LRP1B: variants seen among roughly 807,000 people sequenced by gnomAD.
The protein encoded by LRP1B is low-density lipoprotein receptor-related protein 1B.
LRP1B carries 217 observed loss-of-function variants against 556.6 expected under a neutral mutation model. The observed-to-expected ratio is 0.39, with a 90% CI of 0.35 to 0.44. LRP1B has a LOEUF of 0.44. Ranked by LOEUF, LRP1B falls within the 20% of genes least tolerant of loss-of-function variation. The probability of loss-of-function intolerance (pLI) is 1.00; values close to 1 mark genes in which losing one functional copy is unlikely to be tolerated. For missense variants in LRP1B, 5,053 were observed against 5,620.8 expected (o/e 0.90, Z 3.23); for synonymous variants, 2,047 against 1,865.8 (o/e 1.10, Z -2.50).
intron 27 of LRP1B, among the ~76,000 whole-genome samples, chr2:140,858,510 G>GAGAGAGAA (rs2105135664): frequency 6.7e-6 from 1 of 149,444 alleles, no homozygotes; most frequent in South Asian, 2.1e-4. Context: ...TGGAGAGAGA[G>GAGAGAGAA]AGAGAGAGAG....
At chr2:140,582,762 T>G (rs1681824379) in intron 43 of LRP1B, among the ~76,000 whole-genome samples, 1 of 152,180 alleles carries the variant, frequency 6.6e-6, no homozygotes, top group South Asian at 2.1e-4. Context: ...TTTCTATTAT[T>G]TATAAATTAC....
chr2:141,636,710 G>A (rs962004946), intron 2 of LRP1B, among the ~76,000 whole-genome samples: 6 of 151,708 alleles, frequency 4.0e-5, no homozygotes, highest in African/African-American at 9.7e-5. Context: ...GTGGCTAAAT[G>A]TATGGTTTCT....
chr2:140,957,602 C>G (rs1345693588), intron 18 of LRP1B, among the ~76,000 whole-genome samples: 2 of 151,458 alleles, frequency 1.3e-5, no homozygotes, highest in Non-Finnish European at 3.0e-5. Flanking sequence ...TAAATGTATA[C>G]AAAGAATATA....
chr2:141,560,105 G>A (rs1035457501), intron 2 of LRP1B, among the ~76,000 whole-genome samples: 2 of 151,452 alleles, frequency 1.3e-5, no homozygotes, highest in Non-Finnish European at 3.0e-5. Context: ...CATGCAAAAA[G>A]AAAAGAAAAT....
In LRP1B at chr2:142,123,428, G is replaced by A. The variant is rs138697878; in HGVS notation, c.82+7220C>T. Among the ~76,000 whole-genome samples, 17 of 152,114 alleles carry A rather than the reference G, an allele frequency of 1.1e-4. No individual in the cohort carries two copies. In the East Asian group the frequency reaches 3.3e-3, roughly 29 times the overall value. On this transcript the variant is annotated intron_variant, in intron 1 of 90. Transcript: ENST00000389484. ...TATTGATTGCAAGAATAAAACAAGA[G>A]ACGATAGGTGGTACCTTGATCTTAC...
At chr2:141,483,894 T>G (rs879786839) in intron 2 of LRP1B, among the ~76,000 whole-genome samples, 389 of 150,686 alleles carry the variant, frequency 2.6e-3, no homozygotes, top group Non-Finnish European at 4.3e-3. Flanking sequence ...TTGCAAAAAT[T>G]TTCTCCCATT....
At chr2:140,694,561 T>C (rs1049403805) in intron 41 of LRP1B, among the ~76,000 whole-genome samples, 1 of 152,174 alleles carries the variant, frequency 6.6e-6, no homozygotes. Context: ...TCTTAACGCT[T>C]ACAGCAAATT....
chr2:140,923,420 A>T (rs749965553), intron 20 of LRP1B, among the ~76,000 whole-genome samples: 1 of 152,054 alleles, frequency 6.6e-6, no homozygotes, highest in Non-Finnish European at 1.5e-5. Context: ...AGAAAAGAAG[A>T]AGTAAGATAA....
At chr2:141,544,372 T>C (rs927575769) in intron 2 of LRP1B, among the ~76,000 whole-genome samples, 21 of 114,042 alleles carry the variant, frequency 1.8e-4, no homozygotes, top group Admixed American at 4.1e-4. Context: ...TTCTTCTTCT[T>C]CTTCTTCTTC....
At chr2:140,801,246 C>T (rs1014650168) in intron 32 of LRP1B, among the ~76,000 whole-genome samples, 2 of 152,104 alleles carry the variant, frequency 1.3e-5, no homozygotes, top group African/African-American at 2.4e-5. Flanking sequence ...TAGGAAAATA[C>T]GAATGCATTC....
chr2:141,947,798 A>T lies in LRP1B; in HGVS notation c.83-137397T>A, dbSNP rs781417142. On this transcript the variant is annotated intron_variant, in intron 1 of 90. Transcript: ENST00000389484. Reference sequence around the variant, plus strand: ...ATTCTAAAACATCGAGGCAAGAAAAATTTTTTTTTAAATATCAGAAAAAAA... The same window carrying T: ...ATTCTAAAACATCGAGGCAAGAAAATTTTTTTTTTAAATATCAGAAAAAAA... Among the ~76,000 whole-genome samples the T allele has an allele frequency of 4.6e-4, 54 of 116,784 alleles. No homozygotes were observed. In the East Asian group the frequency reaches 7.1e-3, roughly 15 times the overall value. The allele number at this position is 116,784 out of a possible 152,430, so 76.6% of individuals were successfully genotyped here. A position where few individuals can be genotyped will look rare whatever the true frequency, so the allele number is the denominator to read the frequency against.
chr2:141,351,102 C>T (rs2105539884), intron 3 of LRP1B, among the ~76,000 whole-genome samples: 1 of 152,104 alleles, frequency 6.6e-6, no homozygotes, highest in South Asian at 2.1e-4. Context: ...GCCACACCAA[C>T]ATGCACATTT....
chr2:141,050,235 T>G (rs1158136592), intron 10 of LRP1B, among the ~76,000 whole-genome samples: 1 of 151,900 alleles, frequency 6.6e-6, no homozygotes, highest in African/African-American at 2.4e-5. Context: ...TTTATAAACC[T>G]AACAATACAA....
chr2:140,600,766 G>GTTTTTTTTTTTT (rs1558996101), intron 42 of LRP1B, among the ~76,000 whole-genome samples: 5 of 46,172 alleles, frequency 1.1e-4, no homozygotes, highest in East Asian at 1.1e-3. Flanking sequence ...TGTTCTTCGG[G>GTTTTTTTTTTTT]GTTTTTTTTT....
chr2:141,785,302 G>A (rs1695393255), intron 2 of LRP1B, among the ~76,000 whole-genome samples: 1 of 151,908 alleles, frequency 6.6e-6, no homozygotes, highest in African/African-American at 2.4e-5. Context: ...ATGTCAGCAA[G>A]AAATAACTAA....
At chr2:140,775,449 T>C (rs1183233304) in intron 33 of LRP1B, among the ~76,000 whole-genome samples, 4 of 112,962 alleles carry the variant, frequency 3.5e-5, no homozygotes, top group Non-Finnish European at 5.4e-5. Context: ...GAAAGTACAG[T>C]ATATTTTTTT....
chr2:141,809,711 G>T (rs1308324837), intron 2 of LRP1B, among the ~76,000 whole-genome samples: 1 of 148,810 alleles, frequency 6.7e-6, no homozygotes, highest in African/African-American at 2.5e-5. Context: ...TAAAGACAAA[G>T]ATCCTAACTC....
intron 25 of LRP1B, among the ~76,000 whole-genome samples, chr2:140,876,324 G>A (rs1160498780): frequency 6.6e-6 from 1 of 152,082 alleles, no homozygotes; most frequent in Admixed American, 6.6e-5. Context: ...TTTGGAGCAT[G>A]TTTGTTTCTC....
intron 2 of LRP1B, among the ~76,000 whole-genome samples, chr2:141,495,746 A>G (rs1035750264): frequency 4.6e-5 from 7 of 152,058 alleles, no homozygotes; most frequent in African/African-American, 1.7e-4. Flanking sequence ...TACACGAACA[A>G]TAATTTGGTA....
Sources: gnomAD v4.1 joint callset for allele counts (sites outside exome capture counted in the v4.1 genomes callset) on GRCh38, gnomAD v4.1.1 for gene constraint, MANE v1.5 for transcripts, NCBI Gene and HGNC (gene_info 2026-07-23, HGNC 2026-07-21) for gene names.